The following SHISA6 variants were observed in gnomAD, a reference collection of about 807,000 sequenced individuals.
SHISA6 encodes protein shisa-6.
Under a neutral mutation model 47.9 loss-of-function variants are expected in SHISA6, and 22 were observed. That is an observed-to-expected ratio of 0.46 (90% confidence interval 0.33 to 0.66). SHISA6 has a LOEUF of 0.66. SHISA6 is among the 30% of genes least tolerant of loss of function. The pLI, the probability that SHISA6 is intolerant of heterozygous loss-of-function variation, is 0.02. For missense variants in SHISA6, 680 were observed against 764.6 expected (o/e 0.89, Z 1.30); for synonymous variants, 388 against 337.8 (o/e 1.15, Z -1.63).
intron 3 of SHISA6, among the ~76,000 whole-genome samples, chr17:11,438,753 G>C (rs1915012909): frequency 6.6e-6 from 1 of 152,166 alleles, no homozygotes; most frequent in Admixed American, 6.5e-5. Context: ...ACCTTATGGA[G>C]TGAACTCACT....
chr17:11,522,313 G>C (rs909767932), intron 3 of SHISA6, among the ~76,000 whole-genome samples: 4 of 151,940 alleles, frequency 2.6e-5, no homozygotes, highest in African/African-American at 9.7e-5. Flanking sequence ...GCCCAGACTG[G>C]AGTGCAGTTG....
At chr17:11,534,920 G>A (rs951484907) in intron 3 of SHISA6, among the ~76,000 whole-genome samples, 1 of 152,106 alleles carries the variant, frequency 6.6e-6, no homozygotes, top group Admixed American at 6.5e-5. Flanking sequence ...ACGAGGTCAA[G>A]AGATTGAGAC....
intron 3 of SHISA6, among the ~76,000 whole-genome samples, chr17:11,438,474 C>T (rs182499082): frequency 1.1e-3 from 161 of 152,248 alleles, no homozygotes; most frequent in Non-Finnish European, 1.9e-3. Flanking sequence ...GTGGAGGTCT[C>T]TCTTCCTGAC....
Position 11,471,531 on chromosome 17 carries a change from T to C in SHISA6, c.896-80365T>C, listed in dbSNP as rs141166296. Among the ~76,000 whole-genome samples, 605 of 152,334 alleles carry C rather than the reference T, an allele frequency of 4.0e-3. 4 individuals are homozygous for C. Among genetic ancestry groups the C allele is most frequent in the African/African-American group, 0.014 (572 of 41,578 alleles). ...GTTCTCTGATATGCCCAGCTTCCTCTCATCTTTCATGTGTCAGATCAAATG... is the reference window on the plus strand; with the variant it reads ...GTTCTCTGATATGCCCAGCTTCCTCCCATCTTTCATGTGTCAGATCAAATG... On this transcript the variant is annotated intron_variant, in intron 3 of 5. Coordinates refer to ENST00000441885, the MANE Select transcript of SHISA6 (RefSeq NM_207386.4).
intron 3 of SHISA6, among the ~76,000 whole-genome samples, chr17:11,453,021 G>C (rs970410919): frequency 6.7e-6 from 1 of 148,500 alleles, no homozygotes; most frequent in African/African-American, 2.5e-5. Flanking sequence ...TCCGGATCCA[G>C]GTCTTTGGAA....
intron 3 of SHISA6, among the ~76,000 whole-genome samples, chr17:11,533,907 A>G (rs1014789504): frequency 5.3e-5 from 8 of 151,900 alleles, no homozygotes; most frequent in Admixed American, 1.3e-4. Flanking sequence ...TTCTTACTCT[A>G]TTAAAATCTT....
intron 3 of SHISA6, among the ~76,000 whole-genome samples, chr17:11,528,837 T>G (rs2071709058): frequency 6.6e-6 from 1 of 152,218 alleles, no homozygotes. Context: ...CAACTGCTGC[T>G]TATTTTGAGA....
intron 1 of SHISA6, among the ~76,000 whole-genome samples, chr17:11,250,919 G>A (rs893806269): frequency 6.6e-6 from 1 of 152,014 alleles, no homozygotes; most frequent in Non-Finnish European, 1.5e-5. Flanking sequence ...TAAGAGTGCC[G>A]GGTCTCGAGG....
At chr17:11,538,789 G>C (rs926747174) in intron 3 of SHISA6, among the ~76,000 whole-genome samples, 2 of 152,200 alleles carry the variant, frequency 1.3e-5, no homozygotes, top group Non-Finnish European at 2.9e-5. Context: ...CCTGGTGGTA[G>C]TTAAAATACT....
chr17:11,490,838 T>C (rs1916457271), intron 3 of SHISA6, among the ~76,000 whole-genome samples: 1 of 152,246 alleles, frequency 6.6e-6, no homozygotes, highest in African/African-American at 2.4e-5. Flanking sequence ...TGTTGAAGTT[T>C]AATGACCTTT....
intron 2 of SHISA6, among the ~76,000 whole-genome samples, chr17:11,352,663 C>T (rs1369492663): frequency 6.6e-6 from 1 of 152,102 alleles, no homozygotes; most frequent in Non-Finnish European, 1.5e-5. Context: ...GCGATGAAGG[C>T]AAAAGAAAAG....
intron 2 of SHISA6, among the ~76,000 whole-genome samples, chr17:11,341,693 A>G (rs919479949): frequency 1.3e-5 from 2 of 152,010 alleles, no homozygotes; most frequent in African/African-American, 4.8e-5. Context: ...GATCTGCCCA[A>G]GGTGGAGCTG....
At chr17:11,295,236 AC>A (rs1909707279) in intron 2 of SHISA6, among the ~76,000 whole-genome samples, 1 of 152,220 alleles carries the variant, frequency 6.6e-6, no homozygotes, top group African/African-American at 2.4e-5. Context: ...ATAATAGGGG[AC>A]TACCATATCA....
intron 3 of SHISA6, among the ~76,000 whole-genome samples, chr17:11,550,912 A>G (rs1345536604): frequency 6.6e-6 from 1 of 152,202 alleles, no homozygotes; most frequent in Non-Finnish European, 1.5e-5. Context: ...ATAGTGAAGG[A>G]GCTATGGAAT....
intron 3 of SHISA6, among the ~76,000 whole-genome samples, chr17:11,407,863 G>T (rs1914009442): frequency 6.6e-6 from 1 of 152,132 alleles, no homozygotes; most frequent in Admixed American, 6.5e-5. Context: ...GTGTCACACT[G>T]GAGGACCTGC....
At chr17:11,298,656 T>G (rs1256222403) in intron 2 of SHISA6, among the ~76,000 whole-genome samples, 2 of 152,162 alleles carry the variant, frequency 1.3e-5, no homozygotes, top group Non-Finnish European at 2.9e-5. Context: ...GTGGGGTGTT[T>G]GCCATGATGA....
At chr17:11,414,850 G>C in intron 3 of SHISA6, among the ~76,000 whole-genome samples, 1 of 152,140 alleles carries the variant, frequency 6.6e-6, no homozygotes, top group African/African-American at 2.4e-5. Flanking sequence ...CACTTTGGGA[G>C]GCCCAGGCGG....
chr17:11,272,028 C>T (rs1037474214), intron 2 of SHISA6, among the ~76,000 whole-genome samples: 1 of 152,156 alleles, frequency 6.6e-6, no homozygotes, highest in Non-Finnish European at 1.5e-5. Context: ...CTTATCTACA[C>T]CTGCTGCCTC....
chr17:11,253,369 A>C (rs1209200673), intron 1 of SHISA6, among the ~76,000 whole-genome samples: 1 of 152,234 alleles, frequency 6.6e-6, no homozygotes, highest in African/African-American at 2.4e-5. Flanking sequence ...TAATAGCTCA[A>C]ACAAGACTGC....
Sources: allele counts gnomAD v4.1 joint callset (sites outside exome capture counted in the v4.1 genomes callset), GRCh38; gene constraint gnomAD v4.1.1; transcripts MANE v1.5; gene names NCBI Gene and HGNC (gene_info 2026-07-23, HGNC 2026-07-21).